Variants in NF1 observed in about 807,000 individuals in gnomAD.
NF1 encodes neurofibromin.
NF1 carries 122 observed loss-of-function variants against 325.7 expected under a neutral mutation model. That is an observed-to-expected ratio of 0.37 (90% CI 0.32 to 0.44). The LOEUF is 0.44. Among genes scored for constraint, NF1 ranks in the 20% least tolerant of loss-of-function variants. NF1 has a pLI of 1.00. For synonymous variants in NF1, 1,091 were observed against 1,186.0 expected, an observed-to-expected ratio of 0.92 and a Z score of 1.65; for missense variants, 2,140 against 3,415.4, an observed-to-expected ratio of 0.63 and a Z score of 9.31.
In NF1 at chr17:31,330,289, C is replaced by T. The variant is rs553657123; in HGVS notation, c.5610-7C>T. 3 of 1,613,500 alleles carry T rather than the reference C, an allele frequency of 1.9e-6. No homozygotes were observed. The African/African-American group carries it at 4.0e-5, about 22-fold the overall frequency. On this transcript the variant is annotated splice_region_variant and splice_polypyrimidine_tract_variant and intron_variant, in intron 38 of 57. Coordinates refer to ENST00000358273, the MANE Select transcript of NF1 (RefSeq NM_001042492.3). ...TTTAAAACAACTTCATTTGTGTTTT[C>T]TCCTAGGTCAGCTGCCTATAATCTT...
rs2067869329 is a variant in NF1, at chr17:31,270,362, A to G, written c.4835+5023A>G. 4.6e-5 allele frequency among the ~76,000 whole-genome samples: 7 copies of G among 152,196 alleles called. No individual in the cohort carries two copies. The South Asian group carries it at 1.4e-3, about 31-fold the overall frequency. On this transcript the variant is annotated intron_variant, in intron 36 of 57. Transcript: ENST00000358273. ...GGTGGCTCACACCTGTAATCCCAGC[A>G]CTTTGGGAGGCCAAGGCGGGGAAAT...
At chr17:31,304,551 G>C in intron 36 of NF1, 1 of 1,614,164 alleles carries the variant, frequency 6.2e-7, no homozygotes, top group Non-Finnish European at 8.5e-7. Flanking sequence ...TGTCAGATTG[G>C]TTACTTTCCT....
chr17:31,184,660 T>A (rs4795583), intron 8 of NF1, among the ~76,000 whole-genome samples: 75,121 of 137,906 alleles, frequency 0.54, 23,647 homozygotes, highest in Middle Eastern at 0.76. Flanking sequence ...AAAAAAAAAA[T>A]AAAAAAAAAA....
At chr17:31,294,282 GTTT>G (rs1038554442) in intron 36 of NF1, among the ~76,000 whole-genome samples, 8 of 151,884 alleles carry the variant, frequency 5.3e-5, no homozygotes, top group African/African-American at 1.9e-4. Context: ...TTTTCATTAT[GTTT>G]TTAACACTTT....
intron 57 of NF1, among the ~76,000 whole-genome samples, chr17:31,373,805 G>GAGA (rs1485994026): frequency 6.6e-6 from 1 of 152,176 alleles, no homozygotes; most frequent in Non-Finnish European, 1.5e-5. Context: ...TGTTGCCTGG[G>GAGA]AGAAACAGGC....
intron 36 of NF1, chr17:31,304,243 TA>T: frequency 6.4e-7 from 1 of 1,558,348 alleles, no homozygotes; most frequent in African/African-American, 1.4e-5. Context: ...GAAGATCAGC[TA>T]AAAAGCAAGT....
At chr17:31,302,158 A>G (rs956838235) in intron 36 of NF1, among the ~76,000 whole-genome samples, 2 of 152,198 alleles carry the variant, frequency 1.3e-5, no homozygotes, top group African/African-American at 2.4e-5. Flanking sequence ...GAAAAAAGAC[A>G]ACATAAAAAC....
intron 36 of NF1, among the ~76,000 whole-genome samples, chr17:31,270,097 A>G (rs1434344227): frequency 6.6e-6 from 1 of 152,232 alleles, no homozygotes; most frequent in Non-Finnish European, 1.5e-5. Context: ...TCTGACACTT[A>G]CCTTACAAGG....
At position 31,233,086 on chromosome 17, in the gene NF1, A is replaced by G. The variant is rs2151435489; in HGVS notation, c.3581A>G (p.Asp1194Gly). The stretch of plus-strand genomic sequence containing the variant: ...ATCCTTCAACAAGGCACAGAATTTG[A>G]CACACTTGCAGAAACAGTATTGGCT... ...TKILQQGTEFDTLAETVLADR... is the reference protein window; with the variant it reads ...TKILQQGTEFGTLAETVLADR... Residue 1194 changes from aspartate (D) to glycine (G), a missense_variant, in exon 27 of 58, where the codon GAC (aspartate) becomes GGC (glycine). This residue lies in a region of NF1 where 336 missense variants were observed against 399.0 expected (regional missense o/e 0.84). Coordinates refer to ENST00000358273, the MANE Select transcript of NF1 (RefSeq NM_001042492.3). 1 of 1,614,214 alleles carries G rather than the reference A, an allele frequency of 6.2e-7. No individual in the cohort carries two copies. Among genetic ancestry groups the G allele is most frequent in the Non-Finnish European group, 8.5e-7 (1 of 1,180,034 alleles).
At chr17:31,114,043 A>G (rs902335182) in intron 1 of NF1, among the ~76,000 whole-genome samples, 1 of 152,194 alleles carries the variant, frequency 6.6e-6, no homozygotes, top group African/African-American at 2.4e-5. Context: ...ACTAAATTGT[A>G]AAGTTAACCT....
chr17:31,344,588 G>A (rs1448776785), intron 48 of NF1, among the ~76,000 whole-genome samples: 2 of 152,152 alleles, frequency 1.3e-5, no homozygotes, highest in Non-Finnish European at 2.9e-5. Flanking sequence ...GAGAGAGAGA[G>A]ATATGCATAC....
intron 32 of NF1, 58 bp from the exon 33 acceptor site, chr17:31,258,974 T>C: frequency 8.8e-7 from 1 of 1,135,280 alleles, no homozygotes; most frequent in Non-Finnish European, 1.3e-6. Flanking sequence ...AATGTCTTAA[T>C]GTATAGACTT....
At chr17:31,095,517 A>C in intron 1 of NF1, 148 bp downstream of exon 1, 4 of 351,652 alleles carry the variant, frequency 1.1e-5, no homozygotes, top group East Asian at 7.6e-5. Flanking sequence ...AGGGGGGATA[A>C]GTGGGGGTGG....
At chr17:31,345,212 G>A (rs1309251303) in intron 48 of NF1, among the ~76,000 whole-genome samples, 1 of 152,160 alleles carries the variant, frequency 6.6e-6, no homozygotes, top group Admixed American at 6.5e-5. Flanking sequence ...TTAAAAGCTG[G>A]CCAAAGATCA....
chr17:31,117,948 T>C (rs1161045378), intron 1 of NF1, among the ~76,000 whole-genome samples: 2 of 152,146 alleles, frequency 1.3e-5, no homozygotes, highest in African/African-American at 4.8e-5. Flanking sequence ...TAAAACTCAA[T>C]GTTTGTGAAT....
chr17:31,165,147 G>C lies in NF1; in HGVS notation c.479+1771G>C, dbSNP rs1034718577. ...TAGAACACAACAAATGTGCCACCTTGGAAAATTCTAGAAAATTTCTAGTCA... is the reference window on the plus strand; with the variant it reads ...TAGAACACAACAAATGTGCCACCTTCGAAAATTCTAGAAAATTTCTAGTCA... On this transcript the variant is annotated intron_variant, in intron 4 of 57. Transcript: ENST00000358273. Among the ~76,000 whole-genome samples, 5 of 152,250 alleles carry C rather than the reference G, an allele frequency of 3.3e-5. No individual in the cohort carries two copies. In the Middle Eastern group the frequency reaches 0.01, roughly 311 times the overall value.
intron 36 of NF1, among the ~76,000 whole-genome samples, chr17:31,287,932 G>A (rs1243744781): frequency 6.3e-5 from 8 of 127,534 alleles, no homozygotes; most frequent in Non-Finnish European, 6.6e-5. Context: ...GGACTGTTGT[G>A]GGGTGGGGGG....
chr17:31,219,202 G>A, intron 14 of NF1, 84 bp downstream of exon 14: 1 of 1,383,822 alleles, frequency 7.2e-7, no homozygotes, highest in Non-Finnish European at 1.0e-6. Context: ...TGTGGTTTCT[G>A]TGAGTAACAG....
Position 31,182,562 on chromosome 17 carries a change from G to GT in NF1, c.786dup (p.Lys263Ter). On this transcript the variant is annotated frameshift_variant, in exon 8 of 58. Transcript: ENST00000358273. LOFTEE classifies it high-confidence loss of function. ...GATGGTTTTGCTGAAAGCACCAAAC[G>GT]TAAAGCAGCAGTTTGGCCACTACAA... is the stretch of plus-strand genomic sequence containing the variant. 1 of 1,614,002 alleles carries GT rather than the reference G, an allele frequency of 6.2e-7. No homozygotes were observed. The highest frequency in any genetic ancestry group is 8.5e-7 in the Non-Finnish European group (1 of 1,179,916).
Sources: gnomAD v4.1 joint callset for allele counts (sites outside exome capture counted in the v4.1 genomes callset) on GRCh38, gnomAD v4.1.1 for gene constraint, gnomAD v4.1.1 regional missense constraint, MANE v1.5 for transcripts, NCBI Gene and HGNC (gene_info 2026-07-23, HGNC 2026-07-21) for gene names.